HNF4G: variants seen among roughly 807,000 people sequenced by gnomAD.
The protein encoded by HNF4G is hepatocyte nuclear factor 4 gamma.
A neutral mutation model predicts 50.9 loss-of-function variants in HNF4G; 21 were observed. The observed-to-expected ratio is 0.41, with a 90% CI of 0.29 to 0.59. The LOEUF (loss-of-function observed/expected upper bound fraction) is 0.59, where lower values mean the gene tolerates loss of function less well. Ranked by LOEUF, HNF4G falls within the 20% of genes least tolerant of loss-of-function variation. The pLI is 0.26. For synonymous variants in HNF4G, 198 were observed against 185.6 expected, an observed-to-expected ratio of 1.07 and a Z score of -0.54; for missense variants, 527 against 559.4, an observed-to-expected ratio of 0.94 and a Z score of 0.58.
At position 75,564,296 on chromosome 8, in the gene HNF4G, A is replaced by C; in HGVS notation, c.*200A>C. On this transcript the variant is annotated 3_prime_UTR_variant, in exon 10 of 10. Coordinates refer to ENST00000396423, the MANE Select transcript of HNF4G (RefSeq NM_004133.5). ...TAAAACTTTCACATGCAACCAATGT[A>C]TATCTGAGTTTGAAGATGTTTATAT... The C allele has an allele frequency of 1.9e-6, 1 of 526,468 alleles. No individual in the cohort carries two copies. The highest frequency in any genetic ancestry group is 4.7e-4 in the Middle Eastern group (1 of 2,118). The allele number at this position is 526,468 out of a possible 1,614,324, so 32.6% of individuals were successfully genotyped here.
chr8:75,491,000 T>A (rs16939082), intron 2 of HNF4G, among the ~76,000 whole-genome samples: 34,584 of 152,084 alleles, frequency 0.23, 5,138 homozygotes, highest in African/African-American at 0.42. Context: ...AGTTTGGAAA[T>A]CCAAGAAGCT....
At chr8:75,493,812 C>T (rs962308147) in intron 2 of HNF4G, among the ~76,000 whole-genome samples, 1 of 151,902 alleles carries the variant, frequency 6.6e-6, no homozygotes, top group Non-Finnish European at 1.5e-5. Context: ...TTTTATTAAG[C>T]CTGATTATGT....
chr8:75,438,740 T>C (rs1277502092), intron 1 of HNF4G, among the ~76,000 whole-genome samples: 2 of 152,134 alleles, frequency 1.3e-5, no homozygotes, highest in Non-Finnish European at 1.5e-5. Context: ...TATAAAAGAA[T>C]TACAACAGGA....
rs201981840 is a variant in HNF4G, at chr8:75,520,431, GT to G, written c.-23-23371del. Among the ~76,000 whole-genome samples the G allele has an allele frequency of 1.2e-3, 176 of 149,122 alleles. 4 individuals are homozygous for G. The highest frequency in any genetic ancestry group is 5.1e-4 in the Non-Finnish European group (34 of 67,042). On this transcript the variant is annotated intron_variant, in intron 2 of 10. Coordinates refer to the HNF4G transcript ENST00000354370. ...TTTCTTTCTCGTTCTTTCTTTTTAT[GT>G]TTTTTTTTAAATTTTTGTTCTTTGA... is the stretch of plus-strand genomic sequence containing the variant.
intron 1 of HNF4G, among the ~76,000 whole-genome samples, chr8:75,440,286 A>AT: frequency 6.6e-6 from 1 of 151,964 alleles, no homozygotes; most frequent in Admixed American, 6.6e-5. Flanking sequence ...ATTTTTCTTC[A>AT]TTTTCTGTAG....
chr8:75,499,151 AT>A lies in HNF4G; in HGVS notation c.-24+8945del, dbSNP rs1812858578. 3.9e-5 allele frequency among the ~76,000 whole-genome samples: 6 copies of A among 152,256 alleles called. No individual in the cohort carries two copies. The South Asian group carries it at 1.2e-3, about 32-fold the overall frequency. Reference sequence around the variant, plus strand: ...AGCCCCAAGAAATCCCTCAGTAGCTATTCAAACTACTAAATGGGTTCAACAG... The same window carrying A: ...AGCCCCAAGAAATCCCTCAGTAGCTATCAAACTACTAAATGGGTTCAACAG... On this transcript the variant is annotated intron_variant, in intron 2 of 10. Transcript: ENST00000354370.
At chr8:75,495,473 T>C (rs1346272551) in intron 2 of HNF4G, 1 of 152,124 alleles carries the variant, frequency 6.6e-6, no homozygotes, top group Non-Finnish European at 1.5e-5. Flanking sequence ...CTGAGCATTC[T>C]GTCAACTTTG....
intron 1 of HNF4G, among the ~76,000 whole-genome samples, chr8:75,488,384 C>T (rs1812542256): frequency 6.6e-6 from 1 of 152,130 alleles, no homozygotes; most frequent in South Asian, 2.1e-4. Flanking sequence ...AGCAATTCTT[C>T]TGCCTCAGCC....
intron 2 of HNF4G, among the ~76,000 whole-genome samples, chr8:75,498,535 A>G (rs554678621): frequency 6.6e-6 from 1 of 152,256 alleles, no homozygotes; most frequent in South Asian, 2.1e-4. Flanking sequence ...AAAAGAAGGA[A>G]ACACAACTTA....
intron 2 of HNF4G, among the ~76,000 whole-genome samples, chr8:75,529,469 GAT>G (rs1806271922): frequency 6.6e-6 from 1 of 152,022 alleles, no homozygotes; most frequent in Non-Finnish European, 1.5e-5. Context: ...AAAAAAATGG[GAT>G]ATATCTTTAT....
At chr8:75,414,855 T>C (rs1810595112) in intron 1 of HNF4G, among the ~76,000 whole-genome samples, 1 of 152,236 alleles carries the variant, frequency 6.6e-6, no homozygotes, top group African/African-American at 2.4e-5. Flanking sequence ...TGCTATGAAC[T>C]TTCTTGTATC....
At chr8:75,434,002 CTTT>C (rs139429237) in intron 1 of HNF4G, among the ~76,000 whole-genome samples, 2 of 123,274 alleles carry the variant, frequency 1.6e-5, no homozygotes, top group Admixed American at 8.3e-5. Context: ...TGTTTCTTTT[CTTT>C]TTTTTTTTTT....
intron 2 of HNF4G, among the ~76,000 whole-genome samples, chr8:75,516,566 A>T (rs1426183211): frequency 6.6e-6 from 1 of 152,194 alleles, no homozygotes; most frequent in African/African-American, 2.4e-5. Flanking sequence ...TCTTCTATAA[A>T]TGTCAACTAG....
At chr8:75,460,078 G>GA (rs5892493) in intron 1 of HNF4G, among the ~76,000 whole-genome samples, 4 of 149,758 alleles carry the variant, frequency 2.7e-5, no homozygotes, top group East Asian at 4.0e-4. Context: ...ACGTTCTGAA[G>GA]AAAAAAAAAA....
chr8:75,517,117 A>G (rs1805907731), intron 2 of HNF4G, among the ~76,000 whole-genome samples: 1 of 152,132 alleles, frequency 6.6e-6, no homozygotes, highest in African/African-American at 2.4e-5. Context: ...ATATCATGAG[A>G]CTTATTCACT....
At chr8:75,495,570 C>T (rs917360330) in intron 2 of HNF4G, 1 of 147,482 alleles carries the variant, frequency 6.8e-6, no homozygotes, top group Non-Finnish European at 1.5e-5. Context: ...ACAGAGTCTC[C>T]TCTGTCACCC....
chr8:75,558,790 T>C lies in HNF4G; in HGVS notation c.887-11T>C. On this transcript the variant is annotated splice_polypyrimidine_tract_variant and intron_variant, in intron 7 of 9. Coordinates refer to ENST00000396423, the MANE Select transcript of HNF4G (RefSeq NM_004133.5). ...TAAATCTGTACACTGCCTCTCTTATTCCTTTGTTAGATGCAAAAGGGCTAA... is the reference window on the plus strand; with the variant it reads ...TAAATCTGTACACTGCCTCTCTTATCCCTTTGTTAGATGCAAAAGGGCTAA... 6.2e-7 allele frequency: 1 copy of C among 1,607,310 alleles called. No homozygotes were observed. Among genetic ancestry groups the C allele is most frequent in the Non-Finnish European group, 8.5e-7 (1 of 1,173,840 alleles).
At chr8:75,449,659 A>C (rs1237529756) in intron 1 of HNF4G, among the ~76,000 whole-genome samples, 2 of 151,690 alleles carry the variant, frequency 1.3e-5, no homozygotes, top group Non-Finnish European at 2.9e-5. Flanking sequence ...GGCTCCCGCC[A>C]CCACGCCAGG....
intron 1 of HNF4G, among the ~76,000 whole-genome samples, chr8:75,419,631 A>G (rs554611595): frequency 6.6e-6 from 1 of 152,342 alleles, no homozygotes; most frequent in South Asian, 2.1e-4. Flanking sequence ...TCTCAGGTAA[A>G]ATCCTAACAA....
Sources: gnomAD v4.1 joint callset for allele counts (sites outside exome capture counted in the v4.1 genomes callset) on GRCh38, gnomAD v4.1.1 for gene constraint, MANE v1.5 for transcripts, NCBI Gene and HGNC (gene_info 2026-07-23, HGNC 2026-07-21) for gene names.